The following ZNF804A variants were observed in gnomAD, a reference collection of about 807,000 sequenced individuals.
ZNF804A encodes zinc finger protein 804A.
Under a neutral mutation model 16.5 loss-of-function variants are expected in ZNF804A, and 2 were observed. That is an observed-to-expected ratio of 0.12 (90% CI 0.05 to 0.38). The LOEUF (loss-of-function observed/expected upper bound fraction) is 0.38, where lower values mean the gene tolerates loss of function less well. Among genes scored for constraint, ZNF804A ranks in the 10% least tolerant of loss-of-function variants. The probability of loss-of-function intolerance (pLI) is 0.99; values close to 1 mark genes in which losing one functional copy is unlikely to be tolerated. For synonymous variants in ZNF804A, 534 were observed against 489.6 expected (o/e 1.09, Z -1.20); for missense variants, 1,473 against 1,390.7 (o/e 1.06, Z -0.94).
intron 1 of ZNF804A, among the ~76,000 whole-genome samples, chr2:184,745,513 A>G (rs1693777033): frequency 6.6e-6 from 1 of 151,650 alleles, no homozygotes; most frequent in African/African-American, 2.4e-5. Context: ...AATTATCACT[A>G]TCCTTCAGGG....
chr2:184,758,215 T>G (rs548887234), intron 1 of ZNF804A, among the ~76,000 whole-genome samples: 19 of 151,996 alleles, frequency 1.3e-4, no homozygotes, highest in Non-Finnish European at 1.3e-4. Context: ...GTGAATATAT[T>G]TATTAGTTTT....
At chr2:184,773,007 T>C (rs1694240558) in intron 1 of ZNF804A, among the ~76,000 whole-genome samples, 1 of 147,652 alleles carries the variant, frequency 6.8e-6, no homozygotes, top group Non-Finnish European at 1.5e-5. Context: ...TGTGTGTGTA[T>C]ATATATATAC....
chr2:184,790,705 G>A (rs1041189862), intron 1 of ZNF804A, among the ~76,000 whole-genome samples: 3 of 151,942 alleles, frequency 2.0e-5, no homozygotes, highest in African/African-American at 4.8e-5. Context: ...CTAGGTTCAC[G>A]CCATTCTCCT....
intron 1 of ZNF804A, among the ~76,000 whole-genome samples, chr2:184,816,111 A>G (rs1694979012): frequency 6.6e-6 from 1 of 152,096 alleles, no homozygotes. Context: ...CCCTCAGGCA[A>G]TAAAAGACTC....
chr2:184,725,541 C>T (rs1693396383), intron 1 of ZNF804A, among the ~76,000 whole-genome samples: 1 of 151,630 alleles, frequency 6.6e-6, no homozygotes, highest in Admixed American at 6.6e-5. Flanking sequence ...TATAGACTCA[C>T]AGAAAGTTGC....
intron 1 of ZNF804A, among the ~76,000 whole-genome samples, chr2:184,799,153 T>C (rs1694683711): frequency 6.6e-6 from 1 of 152,056 alleles, no homozygotes; most frequent in Admixed American, 6.6e-5. Context: ...CTCTAGAGGG[T>C]CTGTGGGTCC....
intron 2 of ZNF804A, among the ~76,000 whole-genome samples, chr2:184,925,632 C>T (rs538651733): frequency 4.6e-5 from 7 of 151,702 alleles, no homozygotes; most frequent in Non-Finnish European, 1.0e-4. Context: ...TTCTTTCCTT[C>T]CTGTCCTTCT....
chr2:184,638,940 T>C (rs1386939810), intron 1 of ZNF804A, among the ~76,000 whole-genome samples: 1 of 152,150 alleles, frequency 6.6e-6, no homozygotes, highest in African/African-American at 2.4e-5. Flanking sequence ...AATTCCACTT[T>C]AAAGTCACAG....
intron 2 of ZNF804A, among the ~76,000 whole-genome samples, chr2:184,908,757 TAAAC>T (rs1449893416): frequency 3.3e-5 from 5 of 152,136 alleles, no homozygotes; most frequent in Non-Finnish European, 7.4e-5. Flanking sequence ...ATATTACTAA[TAAAC>T]AAACAACTCT....
chr2:184,855,580 A>G (rs1342258925), intron 1 of ZNF804A, among the ~76,000 whole-genome samples: 3 of 150,082 alleles, frequency 2.0e-5, no homozygotes, highest in Non-Finnish European at 4.4e-5. Context: ...AAGTATATAT[A>G]TACTGTAATG....
intron 1 of ZNF804A, among the ~76,000 whole-genome samples, chr2:184,765,079 TG>T (rs1398210598): frequency 2.6e-5 from 4 of 152,220 alleles, no homozygotes; most frequent in African/African-American, 9.6e-5. Flanking sequence ...GATTCTGAAC[TG>T]TCTTTTCAAT....
intron 1 of ZNF804A, among the ~76,000 whole-genome samples, chr2:184,745,387 T>C (rs1426832711): frequency 1.3e-5 from 2 of 151,788 alleles, no homozygotes; most frequent in African/African-American, 4.8e-5. Context: ...TAATAGCTAA[T>C]GTATTCAGTA....
At chr2:184,793,490 T>C (rs564474427) in intron 1 of ZNF804A, among the ~76,000 whole-genome samples, 3 of 152,246 alleles carry the variant, frequency 2.0e-5, no homozygotes, top group African/African-American at 7.2e-5. Flanking sequence ...TGGTATCTCA[T>C]TGTGGTTTTG....
At chr2:184,822,426 G>A (rs185818975) in intron 1 of ZNF804A, among the ~76,000 whole-genome samples, 25 of 152,174 alleles carry the variant, frequency 1.6e-4, no homozygotes, top group Middle Eastern at 3.4e-3. Flanking sequence ...AGGAAGAATA[G>A]CTAATGGATG....
At chr2:184,888,997 C>T (rs1020034588) in intron 2 of ZNF804A, among the ~76,000 whole-genome samples, 2 of 151,550 alleles carry the variant, frequency 1.3e-5, no homozygotes, top group Non-Finnish European at 2.9e-5. Context: ...AAAAACAAAA[C>T]TTTTTTCTGT....
intron 1 of ZNF804A, among the ~76,000 whole-genome samples, chr2:184,730,951 T>G (rs1693503817): frequency 6.6e-6 from 1 of 151,734 alleles, no homozygotes; most frequent in African/African-American, 2.4e-5. Flanking sequence ...GCTAAGAAAC[T>G]GCTAAACTGG....
chr2:184,655,768 A>G lies in ZNF804A; in HGVS notation c.111+56698A>G, dbSNP rs769046768. Among the ~76,000 whole-genome samples the G allele has an allele frequency of 3.7e-4, 57 of 152,224 alleles. 1 individual carries two copies. The highest frequency in any genetic ancestry group is 1.2e-4 in the Non-Finnish European group (8 of 68,012). On this transcript the variant is annotated intron_variant, in intron 1 of 3. Transcript: ENST00000302277. ...AAGGCCCTACTATTTGTGACAGCCTATAAAGAGTATTATAATGAATATTTT... is the reference window on the plus strand; with the variant it reads ...AAGGCCCTACTATTTGTGACAGCCTGTAAAGAGTATTATAATGAATATTTT...
intron 2 of ZNF804A, among the ~76,000 whole-genome samples, chr2:184,930,217 G>A (rs1685674118): frequency 6.6e-6 from 1 of 152,038 alleles, no homozygotes; most frequent in African/African-American, 2.4e-5. Context: ...AAATTTATGA[G>A]CAAAATATTC....
rs1387974832 is a variant in ZNF804A at position 184,938,703 on chromosome 2, TTGCAGCAGCACGCTGCAGCTGC to T, written c.3314_3335del (p.Gln1105LeufsTer37). On this transcript the variant is annotated frameshift_variant, in exon 4 of 4. Transcript: ENST00000302277. LOFTEE classifies it low-confidence loss of function (END_TRUNC). ...TGTAACCACTATCCATCACACTGTT[TTGCAGCAGCACGCTGCAGCTGC>T]TGCAGCTGCAGCTGCAGCCGCAGCT... is the stretch of plus-strand genomic sequence containing the variant. The T allele has an allele frequency of 9.3e-6, 15 of 1,613,480 alleles. No individual in the cohort carries two copies. Among genetic ancestry groups the T allele is most frequent in the African/African-American group, 2.7e-5 (2 of 74,830 alleles).
Sources: gnomAD v4.1 joint callset for allele counts (sites outside exome capture counted in the v4.1 genomes callset) on GRCh38, gnomAD v4.1.1 for gene constraint, MANE v1.5 for transcripts, NCBI Gene and HGNC (gene_info 2026-07-23, HGNC 2026-07-21) for gene names.